ASIP: variants seen among roughly 807,000 people sequenced by gnomAD.
ASIP encodes agouti-signaling protein.
Under a neutral mutation model 10.3 loss-of-function variants are expected in ASIP, and 11 were observed. The observed-to-expected ratio is 1.07, with a 90% confidence interval of 0.68 to 1.78. The LOEUF (loss-of-function observed/expected upper bound fraction) is 1.78. Ranked by LOEUF, ASIP falls within the 40% of genes most tolerant of loss-of-function variation. The pLI is 0.00. For missense variants in ASIP, 180 were observed against 169.2 expected (o/e 1.06, Z -0.35); for synonymous variants, 70 against 70.8 (o/e 0.99, Z 0.06).
intron 1 of ASIP, among the ~76,000 whole-genome samples, chr20:34,241,728 G>T (rs529025851): frequency 2.6e-5 from 4 of 152,046 alleles, no homozygotes; most frequent in Non-Finnish European, 5.9e-5. Context: ...AGCAGTAAAC[G>T]AATAAATAAA....
chr20:34,261,258 G>T (rs1183751605), intron 2 of ASIP, among the ~76,000 whole-genome samples: 9 of 152,096 alleles, frequency 5.9e-5, no homozygotes, highest in Admixed American at 2.6e-4. Flanking sequence ...AGCACTTTGG[G>T]AAGCTGGAGG....
At chr20:34,186,849 C>T in the ASIP span, among the ~76,000 whole-genome samples, 1,125 of 152,222 alleles carry the variant, frequency 7.4e-3, 13 homozygotes, top group African/African-American at 0.025. Flanking sequence ...GAGTCTCGCT[C>T]TGTTGCCAGG....
intron 2 of ASIP, among the ~76,000 whole-genome samples, chr20:34,262,035 C>T (rs1404109310): frequency 6.6e-6 from 1 of 151,932 alleles, no homozygotes; most frequent in Non-Finnish European, 1.5e-5. Flanking sequence ...ATCACTTGAA[C>T]CCAGGAGGCA....
chr20:34,262,428 A>C (rs536407529), intron 2 of ASIP, among the ~76,000 whole-genome samples: 2 of 152,306 alleles, frequency 1.3e-5, no homozygotes, highest in South Asian at 4.1e-4. Context: ...ACACAGGTGC[A>C]TCTGTGTACA....
At chr20:34,206,514 A>T (rs543705972) in intron 1 of ASIP, among the ~76,000 whole-genome samples, 5 of 152,300 alleles carry the variant, frequency 3.3e-5, no homozygotes, top group Admixed American at 2.6e-4. Context: ...CAAATGACAG[A>T]ATTTCATTCT....
upstream of ASIP, among the ~76,000 whole-genome samples, chr20:34,190,341 A>T (rs1289613110): frequency 6.6e-6 from 1 of 152,144 alleles, no homozygotes; most frequent in Non-Finnish European, 1.5e-5. Context: ...GAGTTGAGAA[A>T]TTCCAAAGCC....
chr20:34,201,009 C>T (rs371113736), intron 1 of ASIP, among the ~76,000 whole-genome samples: 5,599 of 59,958 alleles, frequency 0.093, 364 homozygotes, highest in African/African-American at 0.2. Flanking sequence ...TCCTTCCTTC[C>T]TTCCTTCCTT....
chr20:34,268,660 C>T (rs748213964), intron 3 of ASIP, among the ~76,000 whole-genome samples: 7 of 151,604 alleles, frequency 4.6e-5, no homozygotes, highest in Non-Finnish European at 8.8e-5. Context: ...CGCCTGAGCC[C>T]GAGATCGAGA....
chr20:34,247,927 C>T (rs529927380), intron 1 of ASIP, among the ~76,000 whole-genome samples: 11 of 152,138 alleles, frequency 7.2e-5, no homozygotes, highest in Non-Finnish European at 1.3e-4. Context: ...CCCTGAAGGC[C>T]GGGCGCAGTG....
Position 34,260,347 on chromosome 20 carries a change from C to G in ASIP, c.-10-18C>G. 6.2e-7 allele frequency: 1 copy of G among 1,601,664 alleles called. No homozygotes were observed. Among genetic ancestry groups the G allele is most frequent in the Non-Finnish European group, 8.5e-7 (1 of 1,171,352 alleles). On this transcript the variant is annotated intron_variant, in intron 1 of 3. Transcript: ENST00000374954. ...ACCCCTGACCCACCCACCTGACCAC[C>G]TTCTCTGTCCCACTCAGGCCTCCTG... is the stretch of plus-strand genomic sequence containing the variant.
chr20:34,190,320 A>G (rs2034817237), upstream of ASIP, among the ~76,000 whole-genome samples: 1 of 152,204 alleles, frequency 6.6e-6, no homozygotes, highest in Non-Finnish European at 1.5e-5. Flanking sequence ...AAAGATAATG[A>G]GTATGATAAT....
At chr20:34,246,687 A>G in intron 1 of ASIP, 1 of 464,480 alleles carries the variant, frequency 2.2e-6, no homozygotes, top group East Asian at 4.6e-5. Context: ...TGAACTCCTG[A>G]CCTCAAGTGA....
At chr20:34,202,894 C>T (rs1435517862) in intron 1 of ASIP, among the ~76,000 whole-genome samples, 2 of 149,784 alleles carry the variant, frequency 1.3e-5, no homozygotes, top group Admixed American at 6.7e-5. Context: ...CTGCAAGCTC[C>T]GCCTCCCAGG....
intron 1 of ASIP, among the ~76,000 whole-genome samples, chr20:34,255,561 G>T (rs1444296736): frequency 6.6e-6 from 1 of 152,154 alleles, no homozygotes; most frequent in African/African-American, 2.4e-5. Flanking sequence ...ACTAGAAATA[G>T]ATTATAGATG....
chr20:34,232,168 A>G (rs985757287), intron 1 of ASIP, among the ~76,000 whole-genome samples: 1 of 152,236 alleles, frequency 6.6e-6, no homozygotes, highest in Non-Finnish European at 1.5e-5. Context: ...AGAAAGCAGT[A>G]AGTGAGCTTG....
chr20:34,188,679 C>T, the ASIP span, among the ~76,000 whole-genome samples: 17 of 151,982 alleles, frequency 1.1e-4, no homozygotes, highest in African/African-American at 3.1e-4. Flanking sequence ...CCAATTTACA[C>T]GAATGTATTT....
intron 1 of ASIP, among the ~76,000 whole-genome samples, chr20:34,244,243 A>C (rs2035333211): frequency 6.6e-6 from 1 of 152,260 alleles, no homozygotes; most frequent in Non-Finnish European, 1.5e-5. Flanking sequence ...CTAATGCATC[A>C]TTAAAACTGT....
At chr20:34,255,058 C>T (rs2035544957) in intron 1 of ASIP, among the ~76,000 whole-genome samples, 1 of 152,082 alleles carries the variant, frequency 6.6e-6, no homozygotes, top group Admixed American at 6.6e-5. Flanking sequence ...ACCCATTGTG[C>T]AGTGAATAGT....
chr20:34,254,663 T>C (rs750179636), intron 1 of ASIP, among the ~76,000 whole-genome samples: 3 of 152,214 alleles, frequency 2.0e-5, no homozygotes, highest in Non-Finnish European at 4.4e-5. Context: ...ATTTTCATTA[T>C]AGGGTTCTCC....
Sources: allele counts gnomAD v4.1 joint callset (sites outside exome capture counted in the v4.1 genomes callset), GRCh38; gene constraint gnomAD v4.1.1; transcripts MANE v1.5; gene names NCBI Gene and HGNC (gene_info 2026-07-23, HGNC 2026-07-21).